The following RBFOX1 variants were observed in gnomAD, a reference collection of about 807,000 sequenced individuals.
The protein encoded by RBFOX1 is RNA binding protein fox-1 homolog 1.
Under a neutral mutation model 57.7 loss-of-function variants are expected in RBFOX1, and 8 were observed. That is an observed-to-expected ratio of 0.14 (90% CI 0.08 to 0.25). The LOEUF is 0.25. Among genes scored for constraint, RBFOX1 ranks in the 10% least tolerant of loss-of-function variants. RBFOX1 has a pLI of 1.00. For synonymous variants in RBFOX1, 326 were observed against 222.4 expected (o/e 1.47, Z -4.15); for missense variants, 611 against 548.5 (o/e 1.11, Z -1.14).
At chr16:5,641,842 C>T (rs1225377469) in intron 3 of RBFOX1, among the ~76,000 whole-genome samples, 1 of 152,208 alleles carries the variant, frequency 6.6e-6, no homozygotes, top group Non-Finnish European at 1.5e-5. Flanking sequence ...AGGAGCACAT[C>T]ACAGAGCAGG....
chr16:7,385,182 A>T (rs7202219), intron 4 of RBFOX1, among the ~76,000 whole-genome samples: 13,349 of 152,300 alleles, frequency 0.088, 635 homozygotes, highest in East Asian at 0.2. Context: ...TATAAGTTTT[A>T]TATGAATTAC....
intron 3 of RBFOX1, among the ~76,000 whole-genome samples, chr16:7,035,749 G>C (rs76611178): frequency 0.053 from 8,098 of 152,198 alleles, 390 homozygotes; most frequent in East Asian, 0.2. Context: ...CCTGCTCATT[G>C]TTGCAGAACT....
chr16:7,635,560 A>C (rs180808913), intron 11 of RBFOX1, among the ~76,000 whole-genome samples: 1 of 152,056 alleles, frequency 6.6e-6, no homozygotes, highest in Admixed American at 6.5e-5. Context: ...ACATACACAC[A>C]TGCAATGGTG....
At chr16:6,583,820 G>T (rs1239012043) in intron 2 of RBFOX1, among the ~76,000 whole-genome samples, 1 of 152,128 alleles carries the variant, frequency 6.6e-6, no homozygotes, top group Admixed American at 6.6e-5. Flanking sequence ...TTCATTCCCA[G>T]CTTGTTTTAT....
intron 2 of RBFOX1, among the ~76,000 whole-genome samples, chr16:6,584,178 A>G (rs1278815162): frequency 2.0e-5 from 3 of 151,888 alleles, no homozygotes; most frequent in East Asian, 3.9e-4. Flanking sequence ...CTGTAATTAC[A>G]TCTATTTTCT....
chr16:6,731,101 T>C (rs1460308250), intron 3 of RBFOX1, among the ~76,000 whole-genome samples: 2 of 152,180 alleles, frequency 1.3e-5, no homozygotes, highest in Admixed American at 6.5e-5. Flanking sequence ...AAACTGGTTA[T>C]ATTCCTCCCT....
At chr16:7,606,972 AATT>A (rs2095307637) in intron 9 of RBFOX1, among the ~76,000 whole-genome samples, 1 of 152,188 alleles carries the variant, frequency 6.6e-6, no homozygotes, top group South Asian at 2.1e-4. Context: ...AAAAAATTAA[AATT>A]ATTATAGTAG....
chr16:5,752,219 G>A (rs1483228933), intron 3 of RBFOX1, among the ~76,000 whole-genome samples: 1 of 152,210 alleles, frequency 6.6e-6, no homozygotes, highest in Non-Finnish European at 1.5e-5. Flanking sequence ...GTAGCTGAAT[G>A]ATGAGAACAC....
intron 3 of RBFOX1, among the ~76,000 whole-genome samples, chr16:6,946,712 C>G (rs1048817299): frequency 6.6e-6 from 1 of 152,122 alleles, no homozygotes; most frequent in Non-Finnish European, 1.5e-5. Flanking sequence ...AAGTGATCCT[C>G]TTGCCTGAGT....
At chr16:5,752,984 A>T (rs947530460) in intron 3 of RBFOX1, among the ~76,000 whole-genome samples, 9 of 152,182 alleles carry the variant, frequency 5.9e-5, no homozygotes, top group Admixed American at 2.0e-4. Context: ...AGACCTCATC[A>T]CTCCAAGAAA....
At chr16:6,875,480 G>C (rs913227604) in intron 3 of RBFOX1, among the ~76,000 whole-genome samples, 3 of 152,026 alleles carry the variant, frequency 2.0e-5, no homozygotes, top group East Asian at 3.9e-4. Flanking sequence ...CGAATTTTTT[G>C]AATCACCCTT....
intron 4 of RBFOX1, among the ~76,000 whole-genome samples, chr16:7,450,815 G>C (rs968011198): frequency 6.6e-6 from 1 of 152,168 alleles, no homozygotes; most frequent in Admixed American, 6.5e-5. Context: ...ACAGCAGGAG[G>C]ATTCAGGGGT....
intron 1 of RBFOX1, among the ~76,000 whole-genome samples, chr16:6,134,580 C>A (rs2096652597): frequency 6.6e-6 from 1 of 152,084 alleles, no homozygotes; most frequent in Non-Finnish European, 1.5e-5. Flanking sequence ...CTGCCCTACT[C>A]AGAAGGTATG....
intron 2 of RBFOX1, among the ~76,000 whole-genome samples, chr16:6,576,433 T>G (rs1294949439): frequency 6.6e-6 from 1 of 152,182 alleles, no homozygotes; most frequent in Non-Finnish European, 1.5e-5. Flanking sequence ...GAATCAGATT[T>G]TTTTCTTATC....
At chr16:6,352,889 A>G (rs2086653842) in intron 2 of RBFOX1, among the ~76,000 whole-genome samples, 1 of 152,200 alleles carries the variant, frequency 6.6e-6, no homozygotes, top group Admixed American at 6.5e-5. Context: ...CATCACAGGG[A>G]AAGCCAATCA....
At chr16:6,173,553 GGGGCAGGAGACAAAGCTATT>G (rs973997843) in intron 1 of RBFOX1, among the ~76,000 whole-genome samples, 44 of 151,622 alleles carry the variant, frequency 2.9e-4, no homozygotes, top group African/African-American at 1.0e-3. Context: ...TCCTGCTGCA[GGGGCAGGAGACAAAGCTATT>G]GAATTGTATG....
At chr16:7,009,855 A>G (rs75421047) in intron 3 of RBFOX1, among the ~76,000 whole-genome samples, 12 of 152,312 alleles carry the variant, frequency 7.9e-5, no homozygotes, top group African/African-American at 2.9e-4. Flanking sequence ...GCAAACTACG[A>G]ATATTAAAAT....
intron 3 of RBFOX1, among the ~76,000 whole-genome samples, chr16:6,656,941 C>T (rs149878380): frequency 0.13 from 2,155 of 16,196 alleles, 30 homozygotes; most frequent in East Asian, 0.21. Flanking sequence ...CCCTCTCCTC[C>T]CCTTTCCTCT....
At chr16:5,434,619 T>A (rs181866175) in intron 1 of RBFOX1, among the ~76,000 whole-genome samples, 1 of 152,146 alleles carries the variant, frequency 6.6e-6, no homozygotes, top group Admixed American at 6.6e-5. Flanking sequence ...ATGCCCAGCC[T>A]TGTTGTGAGT....
Sources: gnomAD v4.1 joint callset for allele counts (sites outside exome capture counted in the v4.1 genomes callset) on GRCh38, gnomAD v4.1.1 for gene constraint, MANE v1.5 for transcripts, NCBI Gene and HGNC (gene_info 2026-07-23, HGNC 2026-07-21) for gene names.